Variants in FBXL17 observed in about 807,000 individuals in gnomAD.
The protein encoded by FBXL17 is F-box/LRR-repeat protein 17.
In FBXL17, 22 loss-of-function variants were observed where a neutral mutation model predicts 66.2. That is an observed-to-expected ratio of 0.33 (90% CI 0.24 to 0.47). The LOEUF is 0.47. Ranked by LOEUF, FBXL17 falls within the 20% of genes least tolerant of loss-of-function variation. The pLI is 1.00. For missense variants in FBXL17, 878 were observed against 948.2 expected (o/e 0.93, Z 0.97); for synonymous variants, 474 against 400.5 (o/e 1.18, Z -2.19).
intron 4 of FBXL17, among the ~76,000 whole-genome samples, chr5:108,281,406 G>A (rs1757696940): frequency 6.6e-6 from 1 of 151,660 alleles, no homozygotes; most frequent in Admixed American, 6.6e-5. Context: ...ACAAATACAT[G>A]GAAATTACAC....
rs375040831 is a variant in FBXL17, at chr5:107,861,837, C to T, written c.1989G>A (p.Gln663=). The change falls in exon 9 of 9, where the codon CAG becomes CAA. Residue 663 remains glutamine, a synonymous_variant. Transcript: ENST00000542267. ...TGATGTGGGGGTACTGCTGCACCAG[C>T]TGTTCCACCGTCACTTCGTTGACCT... ...CDKVNEVTVE[Q]LVQQYPHITF... is the part of the protein sequence containing the mutation. 308 of 1,550,412 alleles carry T rather than the reference C, an allele frequency of 2.0e-4. 2 individuals are homozygous for T. In the South Asian group the frequency reaches 3.5e-3, roughly 17 times the overall value.
intron 8 of FBXL17, among the ~76,000 whole-genome samples, chr5:107,871,701 G>A (rs1383275026): frequency 6.6e-6 from 1 of 151,782 alleles, no homozygotes; most frequent in African/African-American, 2.4e-5. Context: ...GTTGCTTGGG[G>A]GAGTCATCTG....
chr5:108,148,616 G>T (rs1354318372), intron 6 of FBXL17, among the ~76,000 whole-genome samples: 1 of 152,084 alleles, frequency 6.6e-6, no homozygotes, highest in Non-Finnish European at 1.5e-5. Flanking sequence ...AACAAAAATA[G>T]GCAAAACGTA....
At chr5:107,933,506 G>A (rs191928372) in intron 7 of FBXL17, among the ~76,000 whole-genome samples, 6 of 152,226 alleles carry the variant, frequency 3.9e-5, no homozygotes, top group South Asian at 2.1e-4. Context: ...TAGCTGGAAC[G>A]CAAAGAAATG....
At chr5:108,373,357 T>C (rs1439738492) in intron 1 of FBXL17, among the ~76,000 whole-genome samples, 2 of 56,216 alleles carry the variant, frequency 3.6e-5, no homozygotes, top group East Asian at 1.0e-3. Flanking sequence ...TATATCTAAA[T>C]ATATATTAAT....
chr5:108,235,696 T>G (rs917788248), intron 4 of FBXL17, among the ~76,000 whole-genome samples: 4 of 152,200 alleles, frequency 2.6e-5, no homozygotes, highest in African/African-American at 9.7e-5. Context: ...CCATCTCATC[T>G]AATTCATTTC....
rs551240233 is a variant in FBXL17 at position 108,042,256 on chromosome 5, G to A, written c.1746-21255C>T. Among the ~76,000 whole-genome samples the A allele has an allele frequency of 1.6e-4, 25 of 152,228 alleles. No homozygotes were observed. The South Asian group carries it at 3.5e-3, about 21-fold the overall frequency. On this transcript the variant is annotated intron_variant, in intron 6 of 8. Coordinates refer to ENST00000542267, the MANE Select transcript of FBXL17 (RefSeq NM_001163315.3). Reference sequence around the variant, plus strand: ...GTAGATTCACATGTAGTTGAAAGACGTAGAGAGAGCCCATGTGCCCTTTCC... The same window carrying A: ...GTAGATTCACATGTAGTTGAAAGACATAGAGAGAGCCCATGTGCCCTTTCC...
At chr5:108,009,308 T>TACCCAC in intron 7 of FBXL17, among the ~76,000 whole-genome samples, 1 of 42,220 alleles carries the variant, frequency 2.4e-5, no homozygotes, top group Non-Finnish European at 4.7e-5. Flanking sequence ...TATACATATA[T>TACCCAC]ACATACACAT....
chr5:108,174,253 TTTTG>T (rs1752710039), intron 6 of FBXL17, among the ~76,000 whole-genome samples: 1 of 152,210 alleles, frequency 6.6e-6, no homozygotes. Flanking sequence ...AATAACCTTA[TTTTG>T]TTTAATTATT....
chr5:108,289,094 T>C (rs568460767), intron 4 of FBXL17, among the ~76,000 whole-genome samples: 10 of 152,184 alleles, frequency 6.6e-5, no homozygotes, highest in Admixed American at 6.6e-5. Flanking sequence ...AATGACATCA[T>C]GGGTAAATGA....
At chr5:108,374,253 G>A (rs1749267503) in intron 1 of FBXL17, among the ~76,000 whole-genome samples, 1 of 152,160 alleles carries the variant, frequency 6.6e-6, no homozygotes, top group African/African-American at 2.4e-5. Flanking sequence ...TTCTTCTGAA[G>A]TGCATAAAAA....
intron 6 of FBXL17, among the ~76,000 whole-genome samples, chr5:108,034,131 C>A (rs1746750411): frequency 1.3e-5 from 2 of 152,122 alleles, no homozygotes; most frequent in African/African-American, 2.4e-5. Context: ...TTATTCCAAG[C>A]AACCTACATA....
At chr5:108,070,908 T>C (rs76173906) in intron 6 of FBXL17, among the ~76,000 whole-genome samples, 18,712 of 152,194 alleles carry the variant, frequency 0.12, 1,396 homozygotes, top group East Asian at 0.17. Context: ...AACTCTTTGG[T>C]GTAAAAGAGT....
At chr5:107,881,581 C>G (rs1191176894) in intron 7 of FBXL17, among the ~76,000 whole-genome samples, 1 of 151,984 alleles carries the variant, frequency 6.6e-6, no homozygotes, top group Non-Finnish European at 1.5e-5. Context: ...ACGTAAACAC[C>G]ATTTTGAGGA....
chr5:107,923,365 A>G (rs1463788675), intron 7 of FBXL17, among the ~76,000 whole-genome samples: 1 of 152,114 alleles, frequency 6.6e-6, no homozygotes, highest in African/African-American at 2.4e-5. Context: ...CAGTCTTGGT[A>G]AATAGGCCCT....
intron 5 of FBXL17, among the ~76,000 whole-genome samples, chr5:108,213,538 G>C (rs578255383): frequency 6.6e-6 from 1 of 152,172 alleles, no homozygotes; most frequent in East Asian, 1.9e-4. Context: ...CTGGGTAGGG[G>C]AGAAAATTCC....
Position 107,940,450 on chromosome 5 carries a change from G to T in FBXL17, c.1823-59271C>A, listed in dbSNP as rs199789072. ...ATGCAAGGTACAGAGAGGAGTGAAT[G>T]TTGCCTGGAAGAATCAGGGAAGGCT... is the stretch of plus-strand genomic sequence containing the variant. On this transcript the variant is annotated intron_variant, in intron 7 of 8. Transcript: ENST00000542267. Among the ~76,000 whole-genome samples the T allele has an allele frequency of 1.5e-4, 23 of 152,266 alleles. No individual in the cohort carries two copies. The East Asian group carries it at 4.4e-3, about 29-fold the overall frequency.
intron 7 of FBXL17, among the ~76,000 whole-genome samples, chr5:108,005,730 C>G (rs1394489357): frequency 6.6e-6 from 1 of 152,146 alleles, no homozygotes; most frequent in Admixed American, 6.5e-5. Flanking sequence ...ATAGGGACAC[C>G]ATTGCTTTCG....
At chr5:107,948,856 G>C (rs531921518) in intron 7 of FBXL17, among the ~76,000 whole-genome samples, 1 of 152,160 alleles carries the variant, frequency 6.6e-6, no homozygotes, top group African/African-American at 2.4e-5. Context: ...CATAGCAAGC[G>C]CTCAATGAGT....
Sources: gnomAD v4.1 joint callset for allele counts (sites outside exome capture counted in the v4.1 genomes callset) on GRCh38, gnomAD v4.1.1 for gene constraint, MANE v1.5 for transcripts, NCBI Gene and HGNC (gene_info 2026-07-23, HGNC 2026-07-21) for gene names.